Variants in SLC25A26 observed in about 807,000 individuals in gnomAD.
SLC25A26 encodes the protein solute carrier family 25 member 26, also known as mitochondrial S-adenosylmethionine carrier protein.
A neutral mutation model predicts 37.8 loss-of-function variants in SLC25A26; 36 were observed. The observed-to-expected ratio is 0.95, with a 90% CI of 0.73 to 1.26. The LOEUF (loss-of-function observed/expected upper bound fraction) is 1.26. SLC25A26 is among the 50% of genes most tolerant of loss of function. The probability of loss-of-function intolerance (pLI) is 0.00; values close to 1 mark genes in which losing one functional copy is unlikely to be tolerated. For synonymous variants in SLC25A26, 129 were observed against 122.5 expected, an observed-to-expected ratio of 1.05 and a Z score of -0.35; for missense variants, 390 against 331.1, an observed-to-expected ratio of 1.18 and a Z score of -1.38.
chr3:66,158,523 C>T (rs987882795), intron 1 of SLC25A26, among the ~76,000 whole-genome samples: 7 of 152,126 alleles, frequency 4.6e-5, no homozygotes, highest in Non-Finnish European at 7.3e-5. Context: ...TTTTGAGAAA[C>T]TGCCAACCTG....
rs782197533 is a variant in SLC25A26 at position 66,236,529 on chromosome 3, CTT to C, written c.34-7_34-6del. The C allele has an allele frequency of 7.1e-5, 98 of 1,382,356 alleles. No homozygotes were observed. Among genetic ancestry groups the C allele is most frequent in the Non-Finnish European group, 8.8e-5 (93 of 1,053,920 alleles). The allele number at this position is 1,382,356 out of a possible 1,614,324, so 85.6% of individuals were successfully genotyped here. Reference sequence around the variant, plus strand: ...CCTTTTTTTTTTCTTTTTCTTCCCTCTTTTTTTTTCAAAGGCTGGTGGGGTAG... The same window carrying C: ...CCTTTTTTTTTTCTTTTTCTTCCCTCTTTTTTTCAAAGGCTGGTGGGGTAG... On this transcript the variant is annotated splice_polypyrimidine_tract_variant and intron_variant, in intron 1 of 9. Coordinates refer to ENST00000354883, the MANE Select transcript of SLC25A26 (RefSeq NM_001379210.1).
chr3:66,309,880 CCATTATTTTG>C (rs1417888360), intron 5 of SLC25A26, among the ~76,000 whole-genome samples: 2 of 152,030 alleles, frequency 1.3e-5, no homozygotes, highest in Non-Finnish European at 2.9e-5. Flanking sequence ...GTTATGATTT[CCATTATTTTG>C]CATTTGCTGA....
intron 1 of SLC25A26, among the ~76,000 whole-genome samples, chr3:66,141,149 T>G (rs948986975): frequency 4.0e-5 from 6 of 151,654 alleles, no homozygotes; most frequent in Non-Finnish European, 8.8e-5. Context: ...TTTGTTGCCA[T>G]AGTATTCTAT....
chr3:66,313,751 A>G (rs2075450401), intron 5 of SLC25A26, among the ~76,000 whole-genome samples: 1 of 152,200 alleles, frequency 6.6e-6, no homozygotes, highest in South Asian at 2.1e-4. Flanking sequence ...CCTATCCATG[A>G]GCGTGGAATG....
intron 1 of SLC25A26, among the ~76,000 whole-genome samples, chr3:66,161,925 T>C (rs142138788): frequency 6.6e-6 from 1 of 152,140 alleles, no homozygotes; most frequent in Admixed American, 6.5e-5. Flanking sequence ...AACGATGGTG[T>C]GAGAGTGTCA....
At chr3:66,297,888 C>A (rs2074955887) in intron 5 of SLC25A26, among the ~76,000 whole-genome samples, 1 of 152,172 alleles carries the variant, frequency 6.6e-6, no homozygotes, top group Admixed American at 6.5e-5. Context: ...TTGTCAATTT[C>A]TCTTTAATTC....
intron 5 of SLC25A26, among the ~76,000 whole-genome samples, chr3:66,304,997 A>G (rs934383395): frequency 6.6e-6 from 1 of 152,206 alleles, no homozygotes; most frequent in Non-Finnish European, 1.5e-5. Flanking sequence ...CGGTAGTATC[A>G]CTTGTTAGAG....
At chr3:66,236,461 C>T (rs1017695040) in intron 1 of SLC25A26, 83 bp from the exon 2 acceptor site, 1 of 1,109,372 alleles carries the variant, frequency 9.0e-7, no homozygotes, top group Non-Finnish European at 1.2e-6. Flanking sequence ...AGACTGTCTT[C>T]CTATCTTCGC....
At chr3:66,158,603 G>A (rs946912190) in intron 1 of SLC25A26, among the ~76,000 whole-genome samples, 4 of 152,078 alleles carry the variant, frequency 2.6e-5, no homozygotes, top group Non-Finnish European at 4.4e-5. Flanking sequence ...CTATAGCCTC[G>A]CCAACACTTG....
At chr3:66,361,459 G>C (rs1433322824) in intron 6 of SLC25A26, among the ~76,000 whole-genome samples, 1 of 152,160 alleles carries the variant, frequency 6.6e-6, no homozygotes, top group Non-Finnish European at 1.5e-5. Context: ...GAAAGATGTT[G>C]TTAAAAGAAT....
rs189183905 is a variant in SLC25A26 at position 66,144,432 on chromosome 3, T to C, written c.-354+10448T>C. On this transcript the variant is annotated intron_variant, in intron 1 of 10. Transcript: ENST00000676754. Reference sequence around the variant, plus strand: ...TGTCAGTGAGCATGATATAGCACACTGGTGTTCCCCAAGCACTTCTCAGTT... The same window carrying C: ...TGTCAGTGAGCATGATATAGCACACCGGTGTTCCCCAAGCACTTCTCAGTT... 2.8e-4 allele frequency among the ~76,000 whole-genome samples: 43 copies of C among 152,288 alleles called. No homozygotes were observed. In the East Asian group the frequency reaches 8.1e-3, roughly 29 times the overall value.
Position 66,153,326 on chromosome 3 carries a change from C to T in SLC25A26, c.-354+19342C>T, listed in dbSNP as rs530084246. Among the ~76,000 whole-genome samples the T allele has an allele frequency of 3.0e-4, 46 of 152,182 alleles. No homozygotes were observed. In the East Asian group the frequency reaches 4.8e-3, roughly 16 times the overall value. The stretch of plus-strand genomic sequence containing the variant: ...ATCTAGAGGGACAAGATGTTAGAAC[C>T]AGTTATTTATGTGCAATGTATTCGG... On this transcript the variant is annotated intron_variant, in intron 1 of 10. Coordinates refer to the SLC25A26 transcript ENST00000676754.
intron 1 of SLC25A26, among the ~76,000 whole-genome samples, chr3:66,213,861 C>A (rs2071321576): frequency 2.6e-5 from 4 of 152,014 alleles, no homozygotes; most frequent in Non-Finnish European, 5.9e-5. Context: ...ACCCAGGAGG[C>A]AGAGGTTGCA....
chr3:66,137,135 A>T (rs750280951), intron 1 of SLC25A26, among the ~76,000 whole-genome samples: 48 of 151,466 alleles, frequency 3.2e-4, no homozygotes, highest in Non-Finnish European at 5.0e-4. Context: ...CTTTTCCACC[A>T]TGTGAGGATG....
At chr3:66,334,162 C>T (rs976920205) in intron 5 of SLC25A26, among the ~76,000 whole-genome samples, 1 of 152,136 alleles carries the variant, frequency 6.6e-6, no homozygotes, top group Non-Finnish European at 1.5e-5. Flanking sequence ...TTGCTTCTTT[C>T]TCTCTGAGAA....
At chr3:66,235,696 G>A (rs1191776119) in intron 1 of SLC25A26, among the ~76,000 whole-genome samples, 2 of 151,958 alleles carry the variant, frequency 1.3e-5, no homozygotes, top group Non-Finnish European at 2.9e-5. Flanking sequence ...AAGATAAATC[G>A]TTAAAAAAAG....
At chr3:66,161,432 G>C (rs998196859) in intron 1 of SLC25A26, among the ~76,000 whole-genome samples, 2 of 152,130 alleles carry the variant, frequency 1.3e-5, no homozygotes, top group African/African-American at 4.8e-5. Flanking sequence ...TGGGAAATGT[G>C]ATCCAGAAAT....
chr3:66,372,179 A>G (rs1476338458), intron 9 of SLC25A26, among the ~76,000 whole-genome samples: 2 of 152,244 alleles, frequency 1.3e-5, no homozygotes, highest in African/African-American at 4.8e-5. Flanking sequence ...TGGCTTTTTT[A>G]GACTGTAAAA....
chr3:66,172,310 C>T (rs893565206), intron 1 of SLC25A26, among the ~76,000 whole-genome samples: 4 of 146,822 alleles, frequency 2.7e-5, no homozygotes, highest in African/African-American at 1.0e-4. Context: ...ATTCAAGAGG[C>T]TGAGGTGGAA....
Sources: allele counts gnomAD v4.1 joint callset (sites outside exome capture counted in the v4.1 genomes callset), GRCh38; gene constraint gnomAD v4.1.1; transcripts MANE v1.5; gene names NCBI Gene and HGNC (gene_info 2026-07-23, HGNC 2026-07-21).